Variants in SV2C observed in about 807,000 individuals in gnomAD.
SV2C encodes the protein solute carrier family 22 member B3.
In SV2C, 49 loss-of-function variants were observed where a neutral mutation model predicts 79.7. That is an observed-to-expected ratio of 0.61 (90% CI 0.49 to 0.78). The LOEUF is 0.78. Among genes scored for constraint, SV2C ranks in the 30% least tolerant of loss-of-function variants. The pLI is 0.00. For missense variants in SV2C, 833 were observed against 912.9 expected, an observed-to-expected ratio of 0.91 and a Z score of 1.13; for synonymous variants, 334 against 333.2, an observed-to-expected ratio of 1.00 and a Z score of -0.03.
chr5:75,969,009 G>A, the SV2C span, among the ~76,000 whole-genome samples: 2 of 152,164 alleles, frequency 1.3e-5, no homozygotes, highest in South Asian at 4.1e-4. Context: ...GAAGAGAGTG[G>A]GGGCCAATAT....
chr5:76,313,468 C>A (rs1190705226), intron 12 of SV2C, among the ~76,000 whole-genome samples: 5 of 152,184 alleles, frequency 3.3e-5, no homozygotes, highest in African/African-American at 1.2e-4. Context: ...GCTCCCACAA[C>A]CTTGCCATCA....
At chr5:76,287,685 G>A (rs1480439724) in intron 6 of SV2C, among the ~76,000 whole-genome samples, 1 of 152,190 alleles carries the variant, frequency 6.6e-6, no homozygotes, top group East Asian at 1.9e-4. Context: ...TAGTTACAAA[G>A]CTGATTCTCC....
chr5:76,172,291 G>T (rs1580327018), intron 2 of SV2C, among the ~76,000 whole-genome samples: 1 of 89,466 alleles, frequency 1.1e-5, no homozygotes, highest in Non-Finnish European at 2.5e-5. Flanking sequence ...AGGGAGGTGG[G>T]GGGGGGGGTC....
upstream of SV2C, chr5:76,081,841 A>G (rs2112075095): frequency 6.6e-6 from 1 of 152,458 alleles, no homozygotes; most frequent in Middle Eastern, 3.4e-3. Context: ...GCCCAAGCTA[A>G]CAACACCGCC....
At chr5:75,917,946 C>G in the SV2C span, among the ~76,000 whole-genome samples, 1 of 152,112 alleles carries the variant, frequency 6.6e-6, no homozygotes, top group Non-Finnish European at 1.5e-5. Flanking sequence ...TTTATACCTA[C>G]TATGTACCCA....
the SV2C span, among the ~76,000 whole-genome samples, chr5:75,869,889 G>A: frequency 1.3e-5 from 2 of 152,310 alleles, no homozygotes; most frequent in East Asian, 1.9e-4. Flanking sequence ...AATTATGCCA[G>A]ATATTGTCCA....
chr5:75,899,164 G>A, the SV2C span, among the ~76,000 whole-genome samples: 4 of 152,120 alleles, frequency 2.6e-5, no homozygotes, highest in African/African-American at 4.8e-5. Context: ...CAATGTTAGG[G>A]TGTCAATTTT....
the SV2C span, among the ~76,000 whole-genome samples, chr5:75,855,839 A>G: frequency 6.6e-6 from 1 of 152,194 alleles, no homozygotes; most frequent in Non-Finnish European, 1.5e-5. Flanking sequence ...CAAATGGACA[A>G]TTAAATTATT....
At chr5:76,122,066 C>T (rs1185273132) in intron 1 of SV2C, among the ~76,000 whole-genome samples, 123 of 151,750 alleles carry the variant, frequency 8.1e-4, no homozygotes, top group South Asian at 2.1e-3. Flanking sequence ...TTTGTAGTTC[C>T]CCTTGAAGAG....
At chr5:76,312,313 C>T (rs752235935) in intron 12 of SV2C, among the ~76,000 whole-genome samples, 17 of 151,710 alleles carry the variant, frequency 1.1e-4, no homozygotes, top group African/African-American at 3.4e-4. Flanking sequence ...AGTGCAGTGA[C>T]GCAATCTCCA....
chr5:76,343,350 C>T (rs537149560), intron 12 of SV2C, among the ~76,000 whole-genome samples: 1 of 152,020 alleles, frequency 6.6e-6, no homozygotes, highest in South Asian at 2.1e-4. Flanking sequence ...ATGAAGAATT[C>T]CTACAAATCA....
chr5:76,295,953 T>G lies in SV2C; in HGVS notation c.1502+11T>G. 3 of 1,553,652 alleles carry G rather than the reference T, an allele frequency of 1.9e-6. No homozygotes were observed. The highest frequency in any genetic ancestry group is 2.3e-5 in the East Asian group (1 of 43,568). ...ATACGACAATGGCAGGTCTAGAAAC[T>G]TGAAATAATTTAATTTGCTACCTAT... On this transcript the variant is annotated intron_variant, in intron 9 of 12. Coordinates refer to ENST00000502798, the MANE Select transcript of SV2C (RefSeq NM_014979.4).
the SV2C span, among the ~76,000 whole-genome samples, chr5:75,971,047 A>C: frequency 6.6e-6 from 1 of 152,150 alleles, no homozygotes; most frequent in South Asian, 2.1e-4. Flanking sequence ...TGTAATCCAG[A>C]ATATAAACAG....
chr5:75,911,219 C>G, the SV2C span: 9 of 1,579,530 alleles, frequency 5.7e-6, no homozygotes, highest in Non-Finnish European at 7.8e-6. Context: ...GCCCAGCCCT[C>G]TCCTACCATT....
the SV2C span, among the ~76,000 whole-genome samples, chr5:75,969,207 G>A: frequency 6.6e-6 from 1 of 152,158 alleles, no homozygotes; most frequent in South Asian, 2.1e-4. Context: ...ACTGGTACCA[G>A]CCACTGCAAA....
chr5:76,181,449 C>T (rs1189898250), intron 2 of SV2C, among the ~76,000 whole-genome samples: 1 of 152,162 alleles, frequency 6.6e-6, no homozygotes, highest in Non-Finnish European at 1.5e-5. Flanking sequence ...AAGACCTACC[C>T]GAGACTGGGT....
chr5:75,887,989 C>T, the SV2C span, among the ~76,000 whole-genome samples: 42 of 152,266 alleles, frequency 2.8e-4, no homozygotes, highest in Admixed American at 9.2e-4. Flanking sequence ...CCTTATTTTA[C>T]TTCCCATTAC....
chr5:76,206,874 T>C (rs1744622958), intron 3 of SV2C, among the ~76,000 whole-genome samples: 1 of 152,220 alleles, frequency 6.6e-6, no homozygotes, highest in Admixed American at 6.5e-5. Flanking sequence ...TTGGATTGTT[T>C]TATATATCGC....
chr5:75,866,016 C>G, the SV2C span, among the ~76,000 whole-genome samples: 5 of 152,106 alleles, frequency 3.3e-5, no homozygotes, highest in Non-Finnish European at 7.4e-5. Context: ...CATCTAGAAA[C>G]TATCAAAAAT....
Sources: gnomAD v4.1 joint callset for allele counts (sites outside exome capture counted in the v4.1 genomes callset) on GRCh38, gnomAD v4.1.1 for gene constraint, MANE v1.5 for transcripts, NCBI Gene and HGNC (gene_info 2026-07-23, HGNC 2026-07-21) for gene names.